KCP: variants seen among roughly 807,000 people sequenced by gnomAD.
KCP encodes kielin/chordin-like protein.
A neutral mutation model predicts 212.7 loss-of-function variants in KCP; 194 were observed. The ratio of observed to expected loss-of-function variants is 0.91; its 90% CI spans 0.81 to 1.03. KCP has a LOEUF of 1.03. KCP is among the 50% of genes least tolerant of loss of function. The pLI is 0.00. For missense variants in KCP, 2,080 were observed against 2,162.5 expected, an observed-to-expected ratio of 0.96 and a Z score of 0.76; for synonymous variants, 833 against 865.3, an observed-to-expected ratio of 0.96 and a Z score of 0.65.
intron 8 of KCP, among the ~76,000 whole-genome samples, chr7:128,900,087 C>CA (rs567415545): frequency 2.1e-3 from 320 of 150,226 alleles, no homozygotes; most frequent in Non-Finnish European, 2.4e-3. Context: ...AGGCTTGGCT[C>CA]AAAAAAAAAT....
Position 128,908,435 on chromosome 7 carries a change from G to A in KCP, c.210C>T (p.Leu70=), listed in dbSNP as rs1412744503. 19 of 1,551,340 alleles carry A rather than the reference G, an allele frequency of 1.2e-5. No individual in the cohort carries two copies. The highest frequency in any genetic ancestry group is 1.7e-5 in the Non-Finnish European group (19 of 1,146,904). ...LGRLEAAVME[L]REQNKDLQTR... is the part of the protein sequence containing the mutation. ...ACTGTCTCCATGGTACCTGTTCTCT[G>A]AGCTCCATCACTGCAGCCTCCAGTC... The change falls in exon 2 of 40, where the codon CTC becomes CTT. Residue 70 remains leucine, a synonymous_variant. Transcript: ENST00000610776.
Position 128,904,048 on chromosome 7 carries a change from G to A in KCP, c.654+8C>T, listed in dbSNP as rs1794997771. ...CAGGGCCTGGGCAGAGGGGACAGGT[G>A]GACTCACCAGGCAGGTGCACTGTAG... On this transcript the variant is annotated splice_region_variant and intron_variant, in intron 6 of 39. Transcript: ENST00000610776. 2 of 1,550,654 alleles carry A rather than the reference G, an allele frequency of 1.3e-6. No individual in the cohort carries two copies. Among genetic ancestry groups the A allele is most frequent in the Admixed American group, 2.0e-5 (1 of 50,972 alleles).
At chr7:128,903,678 CACG>C in intron 7 of KCP, 46 bp downstream of exon 7, 1 of 1,431,596 alleles carries the variant, frequency 7.0e-7, no homozygotes, top group East Asian at 2.5e-5. Context: ...CAAGAAATGG[CACG>C]ACAACCTACC....
chr7:128,905,606 C>A (rs1795084375), intron 5 of KCP, among the ~76,000 whole-genome samples: 1 of 152,232 alleles, frequency 6.6e-6, no homozygotes, highest in Non-Finnish European at 1.5e-5. Context: ...CCTCTGTCTG[C>A]ATCTAGCCCT....
chr7:128,895,036 G>A (rs937875946), intron 8 of KCP, among the ~76,000 whole-genome samples: 1 of 152,202 alleles, frequency 6.6e-6, no homozygotes, highest in Non-Finnish European at 1.5e-5. Context: ...ATCACCAGAA[G>A]CGAGGGCAGA....
chr7:128,886,503 G>T lies in KCP; in HGVS notation c.2827C>A (p.Gln943Lys). The change falls in exon 26 of 40, where the codon CAG becomes AAG. Residue 943 changes from glutamine (Q) to lysine (K), a missense_variant. Coordinates refer to ENST00000610776, the MANE Select transcript of KCP (RefSeq NM_001366122.1). Reference protein sequence around the residue: ...LQCPPLPCKLQVTERGSCCPR... With the variant: ...LQCPPLPCKLKVTERGSCCPR... ...CAGCAGCTCCCCCGCTCGGTGACCT[G>T]GAGCTTGCAGGGAAGGGGTGGGCAC... 6.4e-7 allele frequency: 1 copy of T among 1,550,704 alleles called. No homozygotes were observed.
chr7:128,878,732 G>A lies in KCP; in HGVS notation c.4147-10C>T, dbSNP rs750820257. 27 of 1,547,424 alleles carry A rather than the reference G, an allele frequency of 1.7e-5. No homozygotes were observed. In the East Asian group the frequency reaches 6.6e-4, roughly 38 times the overall value. ...GCCCATCCCACAGCACCTGTGTGGAGAGGCCTGAGACTGGGGAGCAGGGAA... is the reference window on the plus strand; with the variant it reads ...GCCCATCCCACAGCACCTGTGTGGAAAGGCCTGAGACTGGGGAGCAGGGAA... On this transcript the variant is annotated splice_polypyrimidine_tract_variant and intron_variant, in intron 37 of 39. Coordinates refer to ENST00000610776, the MANE Select transcript of KCP (RefSeq NM_001366122.1).
chr7:128,909,416 C>A (rs1443425534), intron 1 of KCP, among the ~76,000 whole-genome samples: 1 of 152,174 alleles, frequency 6.6e-6, no homozygotes, highest in African/African-American at 2.4e-5. Context: ...GACAGGGGAA[C>A]AATGTCACCC....
At position 128,902,866 on chromosome 7, in the gene KCP, T is replaced by C; in HGVS notation, c.749-7A>G. On this transcript the variant is annotated splice_polypyrimidine_tract_variant and splice_region_variant and intron_variant, in intron 7 of 39. Transcript: ENST00000610776. ...GAGCCACCTTCTGTGCAGCCTAGGGTTGAGGGGTTGAGAAGAGGGAGGCCT... is the reference window on the plus strand; with the variant it reads ...GAGCCACCTTCTGTGCAGCCTAGGGCTGAGGGGTTGAGAAGAGGGAGGCCT... 1 of 1,550,378 alleles carries C rather than the reference T, an allele frequency of 6.5e-7. No homozygotes were observed. Among genetic ancestry groups the C allele is most frequent in the Non-Finnish European group, 8.7e-7 (1 of 1,146,234 alleles).
chr7:128,904,984 AGTGTGT>A (rs10562667), intron 5 of KCP, among the ~76,000 whole-genome samples: 3 of 150,952 alleles, frequency 2.0e-5, no homozygotes, highest in African/African-American at 4.9e-5. Context: ...TGCCCTGAAG[AGTGTGT>A]GTGTGTGTGT....
In KCP at chr7:128,883,952, G is replaced by C. The variant is rs1053023070; in HGVS notation, c.3244+50C>G. 11 of 1,516,168 alleles carry C rather than the reference G, an allele frequency of 7.3e-6. No individual in the cohort carries two copies. In the African/African-American group the frequency reaches 1.6e-4, roughly 21 times the overall value. The allele number at this position is 1,516,168 out of a possible 1,614,324, so 93.9% of individuals were successfully genotyped here. A position where few individuals can be genotyped will look rare whatever the true frequency, so the allele number is the denominator to read the frequency against. On this transcript the variant is annotated intron_variant, in intron 29 of 39. Coordinates refer to ENST00000610776, the MANE Select transcript of KCP (RefSeq NM_001366122.1). ...GACTGGTGAGGAAGGGCGGCAGGGG[G>C]TGGCAGCCCTAACCTCATATCTCAT... is the stretch of plus-strand genomic sequence containing the variant.
rs1343697247 is a variant in KCP, at chr7:128,906,350, G to A, written c.500C>T (p.Thr167Ile). The A allele has an allele frequency of 6.5e-7, 1 of 1,549,550 alleles. No individual in the cohort carries two copies. Among genetic ancestry groups the A allele is most frequent in the East Asian group, 2.4e-5 (1 of 40,916 alleles). Residue 167 changes from threonine to isoleucine, a missense_variant, in exon 5 of 40, where the codon ACT (threonine) becomes ATT (isoleucine). Thr to Ile is a moderately conservative substitution (Grantham distance 89). Coordinates refer to ENST00000610776, the MANE Select transcript of KCP (RefSeq NM_001366122.1). The stretch of plus-strand genomic sequence containing the variant: ...TCTTGGGCATGGCTTCTGGTTGCAA[G>A]TGATGGTACCTTCCTGTGGGAGCAG... ...TTCRCLEGTI[T>I]CNQKPCPRGP...
At chr7:128,900,379 A>C (rs981001100) in intron 8 of KCP, among the ~76,000 whole-genome samples, 1 of 152,200 alleles carries the variant, frequency 6.6e-6, no homozygotes, top group African/African-American at 2.4e-5. Flanking sequence ...ACCCAACCAG[A>C]GCTCTCTGGC....
In KCP at chr7:128,885,241, C is replaced by T. The variant is rs1051166493; in HGVS notation, c.2896G>A (p.Glu966Lys). The T allele has an allele frequency of 4.5e-6, 7 of 1,548,586 alleles. No homozygotes were observed. The highest frequency in any genetic ancestry group is 4.4e-6 in the Non-Finnish European group (5 of 1,145,244). Reference sequence around the variant, plus strand: ...TCGGGGGGCACCCATCTACTGCCTTCGGGGTGCTCTTCCCCATGAGCCAGG... The same window carrying T: ...TCGGGGGGCACCCATCTACTGCCTTTGGGGTGCTCTTCCCCATGAGCCAGG... ...GCLAHGEEHP[E>K]GSRWVPPDSA... The change falls in exon 27 of 40, where the codon GAA becomes AAA. Residue 966 changes from glutamate (E) to lysine (K), a missense_variant. Glu to Lys is a moderately conservative substitution (Grantham distance 56). Coordinates refer to ENST00000610776, the MANE Select transcript of KCP (RefSeq NM_001366122.1).
chr7:128,885,137 C>T lies in KCP; in HGVS notation c.3000G>A (p.Gln1000=). The T allele has an allele frequency of 3.2e-6, 5 of 1,550,842 alleles. No homozygotes were observed. Among genetic ancestry groups the T allele is most frequent in the Non-Finnish European group, 4.4e-6 (5 of 1,147,004 alleles). Residue 1000 remains glutamine (Q), a synonymous_variant, in exon 27 of 40, where the codon CAG becomes CAA. Transcript: ENST00000610776. ...ARIQCISSCA[Q]PRQGPHDCCP... is the part of the protein sequence containing the mutation. ...AGCAGTCATGGGGCCCTTGGCGGGGCTGGGCGCAAGAGCTGATGCACTGGA... is the reference window on the plus strand; with the variant it reads ...AGCAGTCATGGGGCCCTTGGCGGGGTTGGGCGCAAGAGCTGATGCACTGGA...
intron 8 of KCP, among the ~76,000 whole-genome samples, chr7:128,896,842 G>T (rs1222501384): frequency 7.5e-6 from 1 of 133,100 alleles, no homozygotes; most frequent in Non-Finnish European, 1.5e-5. Flanking sequence ...AGTGAGCTGA[G>T]ATGGCGCCAT....
rs199674643 is a variant in KCP at position 128,902,811 on chromosome 7, G to A, written c.797C>T (p.Thr266Ile). 1.3e-6 allele frequency: 2 copies of A among 1,551,556 alleles called. No individual in the cohort carries two copies. The highest frequency in any genetic ancestry group is 1.7e-6 in the Non-Finnish European group (2 of 1,147,004). ...GCAGATTCGGCAGGGGTCCCCAGGT[G>A]TTGTCCACTCTTGGCCATGTTCCCA... is the stretch of plus-strand genomic sequence containing the variant. ...SHWEHGQEWTTPGDPCRICRC... is the reference protein window; with the variant it reads ...SHWEHGQEWTIPGDPCRICRC... Residue 266 changes from threonine (T) to isoleucine (I), a missense_variant, in exon 8 of 40, where the codon ACA becomes ATA. Coordinates refer to ENST00000610776, the MANE Select transcript of KCP (RefSeq NM_001366122.1).
At chr7:128,901,735 T>C (rs905874162) in intron 8 of KCP, among the ~76,000 whole-genome samples, 2 of 152,224 alleles carry the variant, frequency 1.3e-5, no homozygotes, top group Non-Finnish European at 2.9e-5. Context: ...TTGGGACCCC[T>C]TTCCTGTAAC....
chr7:128,904,078 G>T lies in KCP; in HGVS notation c.632C>A (p.Pro211His). Residue 211 changes from proline to histidine, a missense_variant, in exon 6 of 40, where the codon CCT (proline) becomes CAT (histidine). Coordinates refer to ENST00000610776, the MANE Select transcript of KCP (RefSeq NM_001366122.1). ...EGVTFLSSSN[P>H]CLQCTCLRSR... is the part of the protein sequence containing the mutation. ...CACCAGGCAGGTGCACTGTAGACAA[G>T]GGTTGGAGCTGGACAGGAAGGTGAC... 1.3e-6 allele frequency: 2 copies of T among 1,551,742 alleles called. No individual in the cohort carries two copies. Among genetic ancestry groups the T allele is most frequent in the South Asian group, 2.4e-5 (2 of 84,058 alleles).
Sources: allele counts gnomAD v4.1 joint callset (sites outside exome capture counted in the v4.1 genomes callset), GRCh38; gene constraint gnomAD v4.1.1; transcripts MANE v1.5; gene names NCBI Gene and HGNC (gene_info 2026-07-23, HGNC 2026-07-21).